POLR2F: variants seen among roughly 807,000 people sequenced by gnomAD.
POLR2F encodes the protein DNA-directed RNA polymerases I, II, and III subunit RPABC2.
POLR2F carries 12 observed loss-of-function variants against 22.7 expected under a neutral mutation model. That is an observed-to-expected ratio of 0.53 (90% CI 0.34 to 0.86). POLR2F has a LOEUF of 0.86. Ranked by LOEUF, POLR2F falls within the 40% of genes least tolerant of loss-of-function variation. POLR2F has a pLI of 0.02. For synonymous variants in POLR2F, 57 were observed against 66.0 expected, an observed-to-expected ratio of 0.86 and a Z score of 0.66; for missense variants, 126 against 171.5, an observed-to-expected ratio of 0.73 and a Z score of 1.48.
intron 1 of POLR2F, among the ~76,000 whole-genome samples, chr22:38,004,946 A>AAAAACAAAAC (rs150299865): frequency 2.0e-5 from 3 of 152,112 alleles, no homozygotes; most frequent in East Asian, 1.9e-4. Context: ...CTCCGTCTCA[A>AAAAACAAAAC]AAAACAAAAC....
At position 37,977,260 on chromosome 22, in the gene POLR2F, CTCCCCCTTTACTTG is replaced by C. The variant is rs1157592066; in HGVS notation, c.293+10092_293+10105del. ...CCATTTCTCAAAACCATCCTGTCTT[CTCCCCCTTTACTTG>C]TAACTGCCCCAGCCACCTCTCACTC... On this transcript the variant is annotated intron_variant, in intron 4 of 4. Coordinates refer to the POLR2F transcript ENST00000405557. 2.6e-5 allele frequency among the ~76,000 whole-genome samples: 4 copies of C among 151,644 alleles called. No individual in the cohort carries two copies. In the South Asian group the frequency reaches 8.3e-4, roughly 32 times the overall value.
At chr22:37,972,504 C>T, downstream of POLR2F, 1 of 312,926 alleles carries the variant, frequency 3.2e-6, no homozygotes, top group South Asian at 2.6e-5. Flanking sequence ...CACTGGGAGG[C>T]AAGGGGTAAG....
Position 37,986,737 on chromosome 22 carries a change from C to CTGTG in POLR2F, c.120+434_120+437dup. Reference sequence around the variant, plus strand: ...GGGAAGGGCTGTCAGATGACCAGTGCTGTGTGTGTGTGGTTGGGGCCCCTG... The same window carrying CTGTG: ...GGGAAGGGCTGTCAGATGACCAGTGCTGTGTGTGTGTGTGTGGTTGGGGCCCCTG... On this transcript the variant is annotated intron_variant, in intron 1 of 2. Coordinates refer to the POLR2F transcript ENST00000333418. This position sits in a 1 kb window ranked among gnomAD's most constrained non-coding sequence, Gnocchi z 4.7. 1 of 484,688 alleles carries CTGTG rather than the reference C, an allele frequency of 2.1e-6. No homozygotes were observed. The highest frequency in any genetic ancestry group is 1.5e-5 in the South Asian group (1 of 64,740). 30.0% of individuals were successfully genotyped at this position (484,688 alleles called of 1,614,324 possible). A position where few individuals can be genotyped will look rare whatever the true frequency, so the allele number is the denominator to read the frequency against.
At chr22:37,973,788 T>G, downstream of POLR2F, 2 of 1,595,442 alleles carry the variant, frequency 1.3e-6, no homozygotes, top group Non-Finnish European at 1.7e-6. Flanking sequence ...GGCTGGTCGG[T>G]GTAGTGTGGG....
Position 37,968,875 on chromosome 22 carries a change from G to A in POLR2F, c.*1160G>A. ...GAGGATCTGCATTGGTGGGAGGGGT[G>A]TCCGCTGCCCTGGAGAAGGGTTAAT... On this transcript the variant is annotated 3_prime_UTR_variant, in exon 5 of 5. Transcript: ENST00000442738. The A allele has an allele frequency of 1.0e-6, 1 of 985,426 alleles. No homozygotes were observed. Among genetic ancestry groups the A allele is most frequent in the Non-Finnish European group, 1.2e-6 (1 of 829,936 alleles). 61.0% of individuals were successfully genotyped at this position (985,426 alleles called of 1,614,324 possible). A position where few individuals can be genotyped will look rare whatever the true frequency, so the allele number is the denominator to read the frequency against.
intron 1 of POLR2F, among the ~76,000 whole-genome samples, chr22:37,991,371 A>T (rs984911294): frequency 3.3e-5 from 5 of 152,098 alleles, no homozygotes; most frequent in Non-Finnish European, 7.4e-5. Flanking sequence ...TGCCTGCCTC[A>T]GCCTCCCAAA....
intron 1 of POLR2F, among the ~76,000 whole-genome samples, chr22:37,992,390 CT>C (rs922923630): frequency 8.2e-4 from 119 of 145,310 alleles, no homozygotes; most frequent in Middle Eastern, 3.6e-3. Context: ...ATTGCTTCTT[CT>C]TTTTTTTTTT....
At chr22:37,988,405 C>A (rs1388946706) in intron 1 of POLR2F, 1 of 151,434 alleles carries the variant, frequency 6.6e-6, no homozygotes, top group African/African-American at 2.4e-5. Context: ...AAGCCCAGCA[C>A]TTTGGGAGGC....
intron 5 of POLR2F, among the ~76,000 whole-genome samples, chr22:38,036,068 C>T (rs370740015): frequency 9.9e-5 from 15 of 151,954 alleles, no homozygotes; most frequent in African/African-American, 3.6e-4. Flanking sequence ...CTCCGCCTCC[C>T]GGGTTCAAGC....
intron 2 of POLR2F, chr22:37,958,261 T>C (rs1931482047): frequency 6.6e-6 from 1 of 151,020 alleles, no homozygotes; most frequent in Non-Finnish European, 1.5e-5. Flanking sequence ...CGATGTTGAC[T>C]CACTGCAAGC....
At position 37,953,703 on chromosome 22, in the gene POLR2F, T is replaced by C. The variant is rs1018536992; in HGVS notation, c.-85T>C. 80 of 1,517,386 alleles carry C rather than the reference T, an allele frequency of 5.3e-5. 2 individuals are homozygous for C. The South Asian group carries it at 9.5e-4, about 18-fold the overall frequency. 94.0% of individuals were successfully genotyped at this position (1,517,386 alleles called of 1,614,324 possible). On this transcript the variant is annotated 5_prime_UTR_variant, in exon 1 of 5. Coordinates refer to ENST00000442738, the MANE Select transcript of POLR2F (RefSeq NM_021974.5). ...GTTACGGCGCAGGCGCAAGATAAGC[T>C]AGGAGCCGCGCGAGTCGTAGTGTCG... is the stretch of plus-strand genomic sequence containing the variant.
intron 4 of POLR2F, among the ~76,000 whole-genome samples, chr22:37,981,100 C>G (rs1257799761): frequency 1.3e-5 from 2 of 152,220 alleles, no homozygotes; most frequent in Non-Finnish European, 2.9e-5. Flanking sequence ...GACCTGGGCT[C>G]CAGTGTGTCT....
chr22:37,973,896 T>G (rs746215943), downstream of POLR2F: 4 of 1,610,068 alleles, frequency 2.5e-6, no homozygotes, highest in Non-Finnish European at 3.4e-6. Flanking sequence ...GGCTTGGAGA[T>G]CCAGGCGGAG....
chr22:38,034,449 G>T (rs1255110400), intron 5 of POLR2F, among the ~76,000 whole-genome samples: 2 of 152,210 alleles, frequency 1.3e-5, no homozygotes, highest in East Asian at 3.9e-4. Context: ...CCTCCTCCAA[G>T]AAGCGGGGGA....
At chr22:38,001,292 A>G (rs1048064295) in intron 1 of POLR2F, among the ~76,000 whole-genome samples, 1 of 152,214 alleles carries the variant, frequency 6.6e-6, no homozygotes, top group African/African-American at 2.4e-5. Context: ...TGCCTGCTGG[A>G]CACCCAGTGT....
At chr22:37,964,577 T>C (rs1601870565) in intron 3 of POLR2F, among the ~76,000 whole-genome samples, 3 of 149,952 alleles carry the variant, frequency 2.0e-5, no homozygotes, top group African/African-American at 7.3e-5. Context: ...TCTTTCTTTT[T>C]TTTTTTTTTT....
Position 37,968,745 on chromosome 22 carries a change from C to G in POLR2F, c.*1030C>G, listed in dbSNP as rs1931955105. 2.0e-6 allele frequency: 2 copies of G among 985,364 alleles called. No homozygotes were observed. The highest frequency in any genetic ancestry group is 3.5e-5 in the African/African-American group (2 of 57,228). The allele number at this position is 985,364 out of a possible 1,614,324, so 61.0% of individuals were successfully genotyped here. On this transcript the variant is annotated 3_prime_UTR_variant, in exon 5 of 5. Coordinates refer to ENST00000442738, the MANE Select transcript of POLR2F (RefSeq NM_021974.5). ...CTTAACCTCCATTCCACTGCCAGCT[C>G]CCCTTCAAAGAGGAGGAGCTGGGCT... is the stretch of plus-strand genomic sequence containing the variant.
chr22:38,028,691 G>A (rs548455825), downstream of POLR2F, among the ~76,000 whole-genome samples: 19 of 152,288 alleles, frequency 1.2e-4, 1 homozygote, highest in East Asian at 2.5e-3. Flanking sequence ...TAGCCACTGT[G>A]TCCCTCTGTG....
At chr22:38,001,773 TCTG>T (rs2084772141) in intron 1 of POLR2F, among the ~76,000 whole-genome samples, 1 of 151,974 alleles carries the variant, frequency 6.6e-6, no homozygotes, top group South Asian at 2.1e-4. Context: ...CCTCAAGTGA[TCTG>T]CCCGCTTAGG....
Sources: gnomAD v4.1 joint callset for allele counts (sites outside exome capture counted in the v4.1 genomes callset) on GRCh38, gnomAD v4.1.1 for gene constraint, Gnocchi (gnomAD v3.1) non-coding constraint, MANE v1.5 for transcripts, NCBI Gene and HGNC (gene_info 2026-07-23, HGNC 2026-07-21) for gene names.